SULF2: variants seen among roughly 807,000 people sequenced by gnomAD.
SULF2 encodes extracellular sulfatase Sulf-2.
SULF2 carries 52 observed loss-of-function variants against 107.7 expected under a neutral mutation model. The observed-to-expected ratio is 0.48, with a 90% CI of 0.39 to 0.61. The LOEUF (loss-of-function observed/expected upper bound fraction) is 0.61. Ranked by LOEUF, SULF2 falls within the 20% of genes least tolerant of loss-of-function variation. SULF2 has a pLI of 0.00. For missense variants in SULF2, 993 were observed against 1,177.3 expected (o/e 0.84, Z 2.29); for synonymous variants, 460 against 464.3 (o/e 0.99, Z 0.12).
intron 4 of SULF2, among the ~76,000 whole-genome samples, chr20:47,701,523 C>T (rs1297851940): frequency 6.6e-6 from 1 of 152,224 alleles, no homozygotes; most frequent in Non-Finnish European, 1.5e-5. Flanking sequence ...AGGCAGCACC[C>T]ACTCACTCCG....
intron 7 of SULF2, among the ~76,000 whole-genome samples, chr20:47,682,422 C>T (rs1175735953): frequency 1.3e-5 from 2 of 152,238 alleles, no homozygotes; most frequent in Non-Finnish European, 2.9e-5. Flanking sequence ...CTGCCGGGAA[C>T]AGTGGCCTGT....
intron 1 of SULF2, among the ~76,000 whole-genome samples, chr20:47,759,673 C>T (rs368786072): frequency 3.3e-5 from 5 of 152,168 alleles, no homozygotes; most frequent in African/African-American, 1.2e-4. Flanking sequence ...GCCTGGGTGA[C>T]AGAGTGAGAC....
chr20:47,702,029 C>T (rs2088586706), intron 4 of SULF2, among the ~76,000 whole-genome samples: 1 of 152,308 alleles, frequency 6.6e-6, no homozygotes, highest in Non-Finnish European at 1.5e-5. Context: ...CTCTTGGAAA[C>T]AGACACTATT....
intron 3 of SULF2, among the ~76,000 whole-genome samples, chr20:47,711,734 T>C (rs1486676340): frequency 1.3e-5 from 2 of 152,268 alleles, no homozygotes; most frequent in African/African-American, 4.8e-5. Context: ...TGTCCTCATA[T>C]TTTGGAACCA....
chr20:47,705,974 T>A (rs2088724104), intron 3 of SULF2, among the ~76,000 whole-genome samples: 1 of 152,094 alleles, frequency 6.6e-6, no homozygotes, highest in East Asian at 1.9e-4. Context: ...AATTTTTGTA[T>A]TTTTAGTAGA....
At chr20:47,742,764 A>G (rs184441478) in intron 2 of SULF2, among the ~76,000 whole-genome samples, 25 of 152,264 alleles carry the variant, frequency 1.6e-4, no homozygotes, top group Non-Finnish European at 2.9e-4. Flanking sequence ...CAGTAAGTCC[A>G]TCGTTGATAA....
intron 17 of SULF2, among the ~76,000 whole-genome samples, chr20:47,662,479 G>A (rs1176763913): frequency 3.3e-5 from 5 of 152,184 alleles, no homozygotes; most frequent in Non-Finnish European, 5.9e-5. Context: ...TTCTTGAAAG[G>A]TCAAAGCCTG....
chr20:47,731,295 C>T (rs1203272112), intron 3 of SULF2, among the ~76,000 whole-genome samples: 1 of 147,142 alleles, frequency 6.8e-6, no homozygotes, highest in Admixed American at 6.9e-5. Context: ...CAGGTTCAAG[C>T]AATTCTCCTG....
chr20:47,690,072 C>A lies in SULF2; in HGVS notation c.737+54G>T, dbSNP rs1023855738. 3 of 1,348,582 alleles carry A rather than the reference C, an allele frequency of 2.2e-6. No individual in the cohort carries two copies. In the Admixed American group the frequency reaches 8.5e-5, roughly 38 times the overall value. The allele number at this position is 1,348,582 out of a possible 1,614,324, so 83.5% of individuals were successfully genotyped here. A position where few individuals can be genotyped will look rare whatever the true frequency, so the allele number is the denominator to read the frequency against. On this transcript the variant is annotated intron_variant, in intron 5 of 20. Transcript: ENST00000688720. Reference sequence around the variant, plus strand: ...TGACAGTACTGTTGCTAAAGCCTGACCCTCCCCCTTCATGCTAAGCAGTGC... The same window carrying A: ...TGACAGTACTGTTGCTAAAGCCTGAACCTCCCCCTTCATGCTAAGCAGTGC...
intron 2 of SULF2, among the ~76,000 whole-genome samples, chr20:47,740,802 G>T (rs2089860050): frequency 6.6e-6 from 1 of 152,114 alleles, no homozygotes; most frequent in African/African-American, 2.4e-5. Context: ...TGTGTGGCTT[G>T]GTACAACCCT....
chr20:47,741,409 G>C (rs1047843969), intron 2 of SULF2, among the ~76,000 whole-genome samples: 1 of 151,974 alleles, frequency 6.6e-6, no homozygotes, highest in Non-Finnish European at 1.5e-5. Context: ...CCCCCTTCTT[G>C]TCTTTACTCA....
At chr20:47,727,746 C>G (rs1025587064) in intron 3 of SULF2, among the ~76,000 whole-genome samples, 4 of 152,198 alleles carry the variant, frequency 2.6e-5, no homozygotes, top group Non-Finnish European at 5.9e-5. Flanking sequence ...GCTTAGATGT[C>G]ACAACACTGC....
chr20:47,729,862 A>C (rs981923826), intron 3 of SULF2, among the ~76,000 whole-genome samples: 4 of 152,094 alleles, frequency 2.6e-5, no homozygotes, highest in African/African-American at 9.7e-5. Flanking sequence ...GCAGAGGAGG[A>C]CGGCCCACGC....
chr20:47,773,444 G>T (rs963620717), intron 1 of SULF2, among the ~76,000 whole-genome samples: 4 of 152,234 alleles, frequency 2.6e-5, no homozygotes, highest in Admixed American at 6.5e-5. Flanking sequence ...AAGTGCAAAG[G>T]CCCTGGGGTG....
chr20:47,766,110 G>A (rs997959738), intron 1 of SULF2, among the ~76,000 whole-genome samples: 4 of 151,976 alleles, frequency 2.6e-5, no homozygotes, highest in African/African-American at 4.9e-5. Flanking sequence ...CTGGAGGGAT[G>A]GGAAAGTGTG....
intron 1 of SULF2, among the ~76,000 whole-genome samples, chr20:47,774,424 C>G (rs1044231790): frequency 6.6e-6 from 1 of 152,182 alleles, no homozygotes; most frequent in African/African-American, 2.4e-5. Context: ...CATTACCGCG[C>G]ATGCTCTCCT....
chr20:47,713,389 T>C (rs543384172), intron 3 of SULF2, among the ~76,000 whole-genome samples: 27 of 152,100 alleles, frequency 1.8e-4, no homozygotes, highest in African/African-American at 5.5e-4. Context: ...AGTGCCGAGG[T>C]TGTGAAACTC....
intron 2 of SULF2, among the ~76,000 whole-genome samples, chr20:47,743,261 C>T (rs1008860696): frequency 4.6e-5 from 7 of 152,084 alleles, no homozygotes; most frequent in African/African-American, 1.7e-4. Flanking sequence ...TTTTCTCTGC[C>T]TGGACTATTG....
At chr20:47,697,905 T>G (rs1031287508) in intron 4 of SULF2, among the ~76,000 whole-genome samples, 8 of 152,282 alleles carry the variant, frequency 5.3e-5, no homozygotes, top group African/African-American at 1.9e-4. Flanking sequence ...ATTTAGAGAA[T>G]CCGCCTGCAC....
Sources: allele counts gnomAD v4.1 joint callset (sites outside exome capture counted in the v4.1 genomes callset), GRCh38; gene constraint gnomAD v4.1.1; transcripts MANE v1.5; gene names NCBI Gene and HGNC (gene_info 2026-07-23, HGNC 2026-07-21).